ZNF536: variants seen among roughly 807,000 people sequenced by gnomAD.
The protein encoded by ZNF536 is zinc finger protein 536.
A neutral mutation model predicts 84.5 loss-of-function variants in ZNF536; 13 were observed. The ratio of observed to expected loss-of-function variants is 0.15; its 90% CI spans 0.10 to 0.24. The LOEUF is 0.24. Ranked by LOEUF, ZNF536 falls within the 10% of genes least tolerant of loss-of-function variation. ZNF536 has a pLI of 1.00. For missense variants in ZNF536, 1,536 were observed against 1,747.5 expected (o/e 0.88, Z 2.16); for synonymous variants, 811 against 742.5 (o/e 1.09, Z -1.50).
At chr19:30,470,520 G>T (rs932650947) in intron 2 of ZNF536, among the ~76,000 whole-genome samples, 2 of 149,792 alleles carry the variant, frequency 1.3e-5, no homozygotes, top group Non-Finnish European at 3.0e-5. Flanking sequence ...AGAAGTTTCA[G>T]ATTTACAGAA....
At chr19:30,264,866 G>C (rs1388107817) in intron 1 of ZNF536, among the ~76,000 whole-genome samples, 1 of 151,954 alleles carries the variant, frequency 6.6e-6, no homozygotes, top group Non-Finnish European at 1.5e-5. Context: ...CTCCACACCA[G>C]GCTGTGAGGA....
At chr19:30,589,335 G>A (rs1404589023) in intron 1 of ZNF536, among the ~76,000 whole-genome samples, 5 of 152,346 alleles carry the variant, frequency 3.3e-5, no homozygotes, top group East Asian at 1.9e-4. Context: ...ATGAAAGGCA[G>A]CGATGTTGAC....
chr19:30,569,657 G>A (rs755611672), intron 1 of ZNF536, among the ~76,000 whole-genome samples: 1 of 130,630 alleles, frequency 7.7e-6, no homozygotes, highest in African/African-American at 3.0e-5. Flanking sequence ...TGCAACTTCT[G>A]CCTCCTGGGT....
intron 1 of ZNF536, among the ~76,000 whole-genome samples, chr19:30,620,528 C>T (rs2048446284): frequency 6.6e-6 from 1 of 152,164 alleles, no homozygotes; most frequent in Non-Finnish European, 1.5e-5. Flanking sequence ...GGCTTTTCCT[C>T]CTGCCATCCA....
chr19:30,597,460 C>G (rs115041695), intron 1 of ZNF536, among the ~76,000 whole-genome samples: 2,039 of 152,288 alleles, frequency 0.013, 42 homozygotes, highest in African/African-American at 0.046. Context: ...GATGGGAGTG[C>G]AGGACATCAC....
chr19:30,668,357 C>A (rs1010908832), intron 1 of ZNF536, among the ~76,000 whole-genome samples: 5 of 152,090 alleles, frequency 3.3e-5, no homozygotes, highest in Non-Finnish European at 7.4e-5. Context: ...GGGGCCCCTT[C>A]TAGAATTTTC....
intron 1 of ZNF536, among the ~76,000 whole-genome samples, chr19:30,252,790 C>G (rs2024691366): frequency 6.6e-6 from 1 of 152,164 alleles, no homozygotes. Flanking sequence ...GATAGATGAG[C>G]TTGGTAGTTC....
chr19:30,700,535 G>A (rs2051896355), intron 1 of ZNF536, among the ~76,000 whole-genome samples: 1 of 152,020 alleles, frequency 6.6e-6, no homozygotes, highest in Admixed American at 6.6e-5. Context: ...TCACAGATGT[G>A]TGCCACCATA....
intron 1 of ZNF536, among the ~76,000 whole-genome samples, chr19:30,647,567 T>C (rs1459512424): frequency 6.6e-6 from 1 of 152,256 alleles, no homozygotes; most frequent in East Asian, 1.9e-4. Context: ...GCATCTGCTT[T>C]CGTCTTCCCT....
intron 3 of ZNF536, among the ~76,000 whole-genome samples, chr19:30,360,528 A>G (rs1204368133): frequency 6.6e-6 from 1 of 152,224 alleles, no homozygotes; most frequent in African/African-American, 2.4e-5. Flanking sequence ...CCTTTCCCAC[A>G]GGCCACAGAG....
At chr19:30,567,297 C>T (rs544959156) in intron 1 of ZNF536, among the ~76,000 whole-genome samples, 31 of 152,276 alleles carry the variant, frequency 2.0e-4, no homozygotes, top group African/African-American at 7.2e-4. Context: ...CGTCTTGGAG[C>T]GCGTGGGCGG....
chr19:30,332,245 T>C (rs1302995089), intron 2 of ZNF536, among the ~76,000 whole-genome samples: 4 of 152,278 alleles, frequency 2.6e-5, no homozygotes, highest in African/African-American at 9.6e-5. Context: ...TGTAGGATCT[T>C]CCTCACTCTC....
chr19:30,647,345 C>A (rs1368364556), intron 1 of ZNF536, among the ~76,000 whole-genome samples: 1 of 152,168 alleles, frequency 6.6e-6, no homozygotes, highest in East Asian at 1.9e-4. Flanking sequence ...GCCACTGGTG[C>A]TTCTCCCGTT....
chr19:30,611,840 A>G (rs2048115629), intron 1 of ZNF536, among the ~76,000 whole-genome samples: 1 of 152,216 alleles, frequency 6.6e-6, no homozygotes, highest in South Asian at 2.1e-4. Flanking sequence ...AGGTCCATGG[A>G]ACACTCGTGT....
chr19:30,375,387 G>A (rs1318529635), intron 1 of ZNF536, among the ~76,000 whole-genome samples: 1 of 152,072 alleles, frequency 6.6e-6, no homozygotes, highest in Non-Finnish European at 1.5e-5. Context: ...AATCACCCGC[G>A]GGCTGGGTGC....
intron 1 of ZNF536, among the ~76,000 whole-genome samples, chr19:30,382,785 G>A (rs1237871817): frequency 6.6e-6 from 1 of 152,134 alleles, no homozygotes; most frequent in Non-Finnish European, 1.5e-5. Context: ...AAGGGCAGGT[G>A]TACAAATTCC....
intron 1 of ZNF536, among the ~76,000 whole-genome samples, chr19:30,591,282 G>A (rs561206954): frequency 1.3e-5 from 2 of 152,176 alleles, no homozygotes; most frequent in South Asian, 4.1e-4. Context: ...CAGGCTGTTT[G>A]TATTAGTCTG....
intron 1 of ZNF536, among the ~76,000 whole-genome samples, chr19:30,383,835 TTTCCTTCCTTCCTTCCTTCC>T (rs200232895): frequency 3.7e-4 from 35 of 95,440 alleles, no homozygotes; most frequent in Non-Finnish European, 5.3e-4. Context: ...TTTCTCCTTC[TTTCCTTCCTTCCTTCCTTCC>T]TTCCTTCCTT....
chr19:30,620,503 G>T (rs893084003), intron 1 of ZNF536, among the ~76,000 whole-genome samples: 3 of 152,140 alleles, frequency 2.0e-5, no homozygotes, highest in African/African-American at 7.2e-5. Context: ...AGTCCTGCAG[G>T]TTCCGGTGAT....
Sources: allele counts gnomAD v4.1 joint callset (sites outside exome capture counted in the v4.1 genomes callset), GRCh38; gene constraint gnomAD v4.1.1; transcripts MANE v1.5; gene names NCBI Gene and HGNC (gene_info 2026-07-23, HGNC 2026-07-21).